ELMO1: variants seen among roughly 807,000 people sequenced by gnomAD.
ELMO1 encodes the protein engulfment and cell motility protein 1.
In ELMO1, 26 loss-of-function variants were observed where a neutral mutation model predicts 98.9. The observed-to-expected ratio is 0.26, with a 90% CI of 0.19 to 0.36. The LOEUF (loss-of-function observed/expected upper bound fraction) is 0.36, where lower values mean the gene tolerates loss of function less well. ELMO1 is among the 10% of genes least tolerant of loss of function. ELMO1 has a pLI of 1.00. For missense variants in ELMO1, 627 were observed against 935.2 expected (o/e 0.67, Z 4.30); for synonymous variants, 346 against 346.0 (o/e 1.00, Z 0.00).
chr7:37,414,268 T>C (rs540127173), intron 1 of ELMO1, among the ~76,000 whole-genome samples: 3 of 150,428 alleles, frequency 2.0e-5, no homozygotes, highest in African/African-American at 7.2e-5. Context: ...AATTGAAATA[T>C]GCTAAACAGT....
At chr7:37,025,075 T>C (rs1297519736) in intron 15 of ELMO1, among the ~76,000 whole-genome samples, 1 of 152,218 alleles carries the variant, frequency 6.6e-6, no homozygotes, top group Non-Finnish European at 1.5e-5. Context: ...GCTCTTTTCC[T>C]TTGTCCTCCA....
In ELMO1 at chr7:37,166,778, T is replaced by A. The variant is rs565632220; in HGVS notation, c.1087-33544A>T. Among the ~76,000 whole-genome samples the A allele has an allele frequency of 1.9e-3, 287 of 152,302 alleles. 2 individuals are homozygous for A. Among genetic ancestry groups the A allele is most frequent in the African/African-American group, 6.7e-3 (278 of 41,578 alleles). On this transcript the variant is annotated intron_variant, in intron 13 of 21. Coordinates refer to ENST00000310758, the MANE Select transcript of ELMO1 (RefSeq NM_014800.11). ...TCCAACTATGTGGTCAATTTTGGAA[T>A]AGGTGTGGTGTGGTGCTGAAAAAAA... is the stretch of plus-strand genomic sequence containing the variant.
intron 18 of ELMO1, 27 bp from the exon 19 acceptor site, chr7:36,878,144 GGTAA>G: frequency 1.3e-6 from 2 of 1,561,616 alleles, no homozygotes; most frequent in Non-Finnish European, 1.8e-6. Flanking sequence ...AAGTTTACAA[GGTAA>G]GTGATTGTGG....
chr7:37,267,446 GCA>G (rs752114229), intron 5 of ELMO1, among the ~76,000 whole-genome samples: 71 of 151,176 alleles, frequency 4.7e-4, no homozygotes, highest in Non-Finnish European at 6.0e-4. Context: ...TTGGGCGCGC[GCA>G]CGCGTGTGTG....
intron 14 of ELMO1, among the ~76,000 whole-genome samples, chr7:37,115,326 G>C (rs1785518417): frequency 6.6e-6 from 1 of 152,120 alleles, no homozygotes; most frequent in South Asian, 2.1e-4. Context: ...TAGCTCTCAT[G>C]AACATAAATG....
At chr7:36,937,000 C>T (rs572419924) in intron 16 of ELMO1, among the ~76,000 whole-genome samples, 9 of 152,244 alleles carry the variant, frequency 5.9e-5, no homozygotes, top group Non-Finnish European at 1.2e-4. Context: ...CAGTTTTATT[C>T]GGGCACAGGG....
intron 13 of ELMO1, among the ~76,000 whole-genome samples, chr7:37,163,237 T>G (rs563205613): frequency 1.3e-5 from 2 of 152,172 alleles, no homozygotes; most frequent in Non-Finnish European, 2.9e-5. Flanking sequence ...TTTGAGTTAT[T>G]ATGGGAAAAT....
chr7:37,000,588 T>G (rs1792592512), intron 16 of ELMO1, among the ~76,000 whole-genome samples: 1 of 152,160 alleles, frequency 6.6e-6, no homozygotes, highest in East Asian at 1.9e-4. Flanking sequence ...CAAAAGATAA[T>G]TTTTGTGAAC....
rs191972338 is a variant in ELMO1, at chr7:37,058,473, T to G, written c.1300+38146A>C. ...CTGTCCCTTCACTTTCCTGCTGCAC[T>G]GGGGTGGGGGACATGCCAACCAGAA... On this transcript the variant is annotated intron_variant, in intron 15 of 21. Coordinates refer to ENST00000310758, the MANE Select transcript of ELMO1 (RefSeq NM_014800.11). Among the ~76,000 whole-genome samples, 803 of 152,146 alleles carry G rather than the reference T, an allele frequency of 5.3e-3. 3 individuals are homozygous for G. Among genetic ancestry groups the G allele is most frequent in the Non-Finnish European group, 8.0e-3 (546 of 68,000 alleles).
chr7:37,128,428 C>T (rs925948735), intron 14 of ELMO1, among the ~76,000 whole-genome samples: 1 of 152,088 alleles, frequency 6.6e-6, no homozygotes, highest in Non-Finnish European at 1.5e-5. Flanking sequence ...AGCAATTATA[C>T]CCAGAGTAAG....
chr7:37,344,995 T>C (rs1013362356), intron 1 of ELMO1, among the ~76,000 whole-genome samples: 2 of 152,068 alleles, frequency 1.3e-5, no homozygotes, highest in African/African-American at 4.8e-5. Context: ...ACTGAGACAA[T>C]AGAGATAGCA....
chr7:36,962,420 G>A (rs111296553), intron 16 of ELMO1, among the ~76,000 whole-genome samples: 9 of 152,164 alleles, frequency 5.9e-5, no homozygotes, highest in Non-Finnish European at 7.4e-5. Context: ...ATGGGTTAGC[G>A]TGGGAGCCAA....
At chr7:37,193,008 TACACAC>T (rs10592735) in intron 13 of ELMO1, among the ~76,000 whole-genome samples, 1 of 125,100 alleles carries the variant, frequency 8.0e-6, no homozygotes, top group Non-Finnish European at 1.6e-5. Flanking sequence ...TATATATATA[TACACAC>T]ACACACATTT....
chr7:37,053,313 C>A (rs1313274297), intron 15 of ELMO1, among the ~76,000 whole-genome samples: 1 of 151,670 alleles, frequency 6.6e-6, no homozygotes, highest in Non-Finnish European at 1.5e-5. Context: ...CACACACACA[C>A]ACACACACAC....
chr7:37,390,668 T>C (rs1409366536), intron 1 of ELMO1, among the ~76,000 whole-genome samples: 2 of 152,160 alleles, frequency 1.3e-5, no homozygotes, highest in Admixed American at 1.3e-4. Flanking sequence ...CAAAGACTAA[T>C]GTCAGAGTTC....
intron 1 of ELMO1, among the ~76,000 whole-genome samples, chr7:37,367,130 T>C (rs529280266): frequency 1.3e-5 from 2 of 152,336 alleles, no homozygotes; most frequent in South Asian, 4.1e-4. Flanking sequence ...CACCACACTG[T>C]CATTCATCTG....
chr7:37,007,992 A>G (rs929638005), intron 16 of ELMO1, among the ~76,000 whole-genome samples: 1 of 152,200 alleles, frequency 6.6e-6, no homozygotes, highest in Non-Finnish European at 1.5e-5. Context: ...CAAGCCTGAG[A>G]TTCTAAGCTC....
intron 15 of ELMO1, among the ~76,000 whole-genome samples, chr7:37,078,645 G>T (rs1049850561): frequency 2.0e-5 from 3 of 152,088 alleles, no homozygotes; most frequent in Admixed American, 6.5e-5. Context: ...ATTTGACATA[G>T]AACTTCTTCT....
chr7:37,368,366 T>C (rs1390282728), intron 1 of ELMO1, among the ~76,000 whole-genome samples: 1 of 152,172 alleles, frequency 6.6e-6, no homozygotes, highest in Non-Finnish European at 1.5e-5. Context: ...ATACATTTCA[T>C]GATAATAATA....
Sources: allele counts gnomAD v4.1 joint callset (sites outside exome capture counted in the v4.1 genomes callset), GRCh38; gene constraint gnomAD v4.1.1; transcripts MANE v1.5; gene names NCBI Gene and HGNC (gene_info 2026-07-23, HGNC 2026-07-21).